Variants in CSMD1 observed in about 807,000 individuals in gnomAD.
CSMD1 encodes the protein CUB and Sushi multiple domains 1, also known as CUB and sushi domain-containing protein 1.
A neutral mutation model predicts 417.5 loss-of-function variants in CSMD1; 213 were observed. That is an observed-to-expected ratio of 0.51 (90% CI 0.46 to 0.57). CSMD1 has a LOEUF of 0.57. CSMD1 is among the 20% of genes least tolerant of loss of function. The pLI is 0.00. For missense variants in CSMD1, 6,923 were observed against 4,529.7 expected (o/e 1.53, Z -15.17); for synonymous variants, 2,862 against 1,736.8 (o/e 1.65, Z -16.11).
At chr8:4,801,900 T>G (rs1183691102) in intron 1 of CSMD1, among the ~76,000 whole-genome samples, 2 of 152,204 alleles carry the variant, frequency 1.3e-5, no homozygotes, top group African/African-American at 2.4e-5. Context: ...TAGGTACTAT[T>G]TGCAAGGCAG....
intron 1 of CSMD1, among the ~76,000 whole-genome samples, chr8:4,699,461 G>C (rs758811636): frequency 1.3e-5 from 2 of 152,080 alleles, no homozygotes; most frequent in African/African-American, 2.4e-5. Context: ...ATTCTATAAA[G>C]TTTTCCCCAA....
chr8:3,730,736 G>C (rs569798573), intron 6 of CSMD1, among the ~76,000 whole-genome samples: 51 of 152,252 alleles, frequency 3.3e-4, no homozygotes, highest in African/African-American at 7.2e-4. Context: ...CTTATTCACA[G>C]TTCTATGCAG....
intron 47 of CSMD1, among the ~76,000 whole-genome samples, chr8:3,094,102 ATTTTTTAT>A (rs1554510665): frequency 6.7e-6 from 1 of 150,190 alleles, no homozygotes; most frequent in African/African-American, 2.5e-5. Context: ...ATTTTATTTT[ATTTTTTAT>A]TTTTTTATTT....
At chr8:4,803,054 A>G (rs1300588947) in intron 1 of CSMD1, among the ~76,000 whole-genome samples, 2 of 152,200 alleles carry the variant, frequency 1.3e-5, no homozygotes, top group Admixed American at 6.5e-5. Flanking sequence ...AATTCAATAA[A>G]AACAGATCTT....
intron 12 of CSMD1, among the ~76,000 whole-genome samples, chr8:3,457,779 T>C (rs1347590603): frequency 3.9e-5 from 6 of 152,090 alleles, no homozygotes; most frequent in African/African-American, 9.7e-5. Context: ...CAAATTCCAA[T>C]TGAAAGGAAA....
intron 1 of CSMD1, among the ~76,000 whole-genome samples, chr8:4,985,905 A>G (rs1412935074): frequency 6.6e-6 from 1 of 152,202 alleles, no homozygotes; most frequent in Non-Finnish European, 1.5e-5. Flanking sequence ...CAAGAATTGC[A>G]AGACATTTGG....
chr8:4,295,019 T>A (rs1208310555), intron 3 of CSMD1, among the ~76,000 whole-genome samples: 1 of 149,344 alleles, frequency 6.7e-6, no homozygotes, highest in Non-Finnish European at 1.5e-5. Flanking sequence ...GTGTTAAGAT[T>A]ATATATACAT....
chr8:3,682,060 A>C (rs1196586114), intron 7 of CSMD1, among the ~76,000 whole-genome samples: 2 of 152,216 alleles, frequency 1.3e-5, no homozygotes, highest in African/African-American at 4.8e-5. Flanking sequence ...TTAAAGACTT[A>C]AATGTTAGAC....
chr8:3,827,115 A>C (rs1412769272), intron 5 of CSMD1, among the ~76,000 whole-genome samples: 1 of 152,128 alleles, frequency 6.6e-6, no homozygotes, highest in African/African-American at 2.4e-5. Context: ...AGATGTAAAA[A>C]CCGTAAAAGA....
intron 53 of CSMD1, among the ~76,000 whole-genome samples, chr8:2,999,298 G>C (rs1207643651): frequency 1.3e-5 from 2 of 151,834 alleles, no homozygotes; most frequent in Non-Finnish European, 2.9e-5. Context: ...TGGGATTACA[G>C]ATGTATGCCA....
intron 5 of CSMD1, among the ~76,000 whole-genome samples, chr8:3,761,106 C>G (rs1797972225): frequency 1.3e-5 from 2 of 152,158 alleles, no homozygotes; most frequent in Non-Finnish European, 1.5e-5. Context: ...CTGTTACTCA[C>G]ATTGTAAGTG....
rs1053963858 is a variant in CSMD1 at position 3,493,708 on chromosome 8, C to G, written c.1363G>C (p.Glu455Gln). 2 of 1,610,900 alleles carry G rather than the reference C, an allele frequency of 1.2e-6. No homozygotes were observed. Among genetic ancestry groups the G allele is most frequent in the South Asian group, 1.1e-5 (1 of 89,958 alleles). Residue 455 changes from glutamate to glutamine, a missense_variant, in exon 11 of 70, where the codon GAA becomes CAA. Glu to Gln is a conservative substitution (Grantham distance 29). Coordinates refer to ENST00000635120, the MANE Select transcript of CSMD1 (RefSeq NM_033225.6). ...DPDKVIKLAF[E>Q]EFELERGYDT... The stretch of plus-strand genomic sequence containing the variant: ...TAGCCTCGCTCCAGCTCAAACTCTT[C>G]AAAGGCAAGCTTGATGACCTAAATA...
chr8:4,412,115 G>A (rs1216990762), intron 3 of CSMD1, among the ~76,000 whole-genome samples: 1 of 151,986 alleles, frequency 6.6e-6, no homozygotes, highest in Non-Finnish European at 1.5e-5. Flanking sequence ...GTGCATGTGT[G>A]TTTAGCCAGG....
rs549088856 is a variant in CSMD1, at chr8:4,403,386, T to G, written c.415+16567A>C. ...CTCTACTTGACCTCTCTAACTTCTC[T>G]CATCTAATTCTCTTTTGAACCACAG... On this transcript the variant is annotated intron_variant, in intron 3 of 69. Transcript: ENST00000635120. 1.3e-5 allele frequency among the ~76,000 whole-genome samples: 2 copies of G among 152,272 alleles called. 1 individual carries two copies. Among genetic ancestry groups the G allele is most frequent in the South Asian group, 4.1e-4 (2 of 4,828 alleles).
At chr8:4,947,630 C>A (rs1323061346) in intron 1 of CSMD1, among the ~76,000 whole-genome samples, 1 of 152,006 alleles carries the variant, frequency 6.6e-6, no homozygotes, top group African/African-American at 2.4e-5. Flanking sequence ...CTTCTTCCTC[C>A]CCCCAGTGAC....
At chr8:4,554,657 C>T (rs1400788431) in intron 2 of CSMD1, among the ~76,000 whole-genome samples, 1 of 152,108 alleles carries the variant, frequency 6.6e-6, no homozygotes, top group African/African-American at 2.4e-5. Context: ...GCAACATTTA[C>T]CATAAATATT....
intron 50 of CSMD1, among the ~76,000 whole-genome samples, chr8:3,031,101 C>CT (rs1328553666): frequency 6.6e-6 from 1 of 151,930 alleles, no homozygotes; most frequent in Admixed American, 6.6e-5. Context: ...CCAAAATACT[C>CT]TTACAATTTC....
chr8:4,960,687 A>T (rs558182814), intron 1 of CSMD1, among the ~76,000 whole-genome samples: 20 of 152,270 alleles, frequency 1.3e-4, no homozygotes, highest in African/African-American at 4.3e-4. Context: ...ATACATGCAT[A>T]AATTATTTCT....
intron 10 of CSMD1, among the ~76,000 whole-genome samples, chr8:3,569,045 T>C (rs1799836468): frequency 6.6e-6 from 1 of 152,156 alleles, no homozygotes; most frequent in Non-Finnish European, 1.5e-5. Context: ...GTGTCTACAA[T>C]AAAACATATT....
Sources: gnomAD v4.1 joint callset for allele counts (sites outside exome capture counted in the v4.1 genomes callset) on GRCh38, gnomAD v4.1.1 for gene constraint, MANE v1.5 for transcripts, NCBI Gene and HGNC (gene_info 2026-07-23, HGNC 2026-07-21) for gene names.